Variants in TMEM163 observed in about 807,000 individuals in gnomAD.
The protein encoded by TMEM163 is transmembrane protein 163.
TMEM163 carries 17 observed loss-of-function variants against 29.3 expected under a neutral mutation model. The ratio of observed to expected loss-of-function variants is 0.58; its 90% confidence interval spans 0.40 to 0.87. The LOEUF (loss-of-function observed/expected upper bound fraction) is 0.87, where lower values mean the gene tolerates loss of function less well. Among genes scored for constraint, TMEM163 ranks in the 40% least tolerant of loss-of-function variants. The probability of loss-of-function intolerance (pLI) is 0.00; values close to 1 mark genes in which losing one functional copy is unlikely to be tolerated. For missense variants in TMEM163, 303 were observed against 381.5 expected, an observed-to-expected ratio of 0.79 and a Z score of 1.71; for synonymous variants, 157 against 160.6, an observed-to-expected ratio of 0.98 and a Z score of 0.17.
At chr2:134,498,475 C>T (rs1458805185) in intron 5 of TMEM163, among the ~76,000 whole-genome samples, 1 of 151,822 alleles carries the variant, frequency 6.6e-6, no homozygotes, top group Admixed American at 6.6e-5. Flanking sequence ...AGGCTACCAC[C>T]ACACCTGGCT....
rs78943729 is a variant in TMEM163 at position 134,581,834 on chromosome 2, A to C, written c.323-29743T>G. ...TTTACAAGAAGCAGCAGAACCAAAA[A>C]GGCAACTACCCTTCCATCTCCCTCC... On this transcript the variant is annotated intron_variant, in intron 2 of 7. Transcript: ENST00000281924. 8.5e-5 allele frequency among the ~76,000 whole-genome samples: 13 copies of C among 152,352 alleles called. No homozygotes were observed. The East Asian group carries it at 2.3e-3, about 27-fold the overall frequency.
chr2:134,479,704 G>A (rs1244515951), intron 5 of TMEM163, among the ~76,000 whole-genome samples: 4 of 152,200 alleles, frequency 2.6e-5, no homozygotes, highest in Admixed American at 6.5e-5. Flanking sequence ...ACTGAGGCAT[G>A]TTCAGGCTTG....
At chr2:134,491,553 A>G (rs1679430201) in intron 5 of TMEM163, among the ~76,000 whole-genome samples, 1 of 152,174 alleles carries the variant, frequency 6.6e-6, no homozygotes, top group East Asian at 1.9e-4. Flanking sequence ...CGTGGACCAG[A>G]AAGCACCCTC....
chr2:134,695,599 T>C (rs1684562059), intron 2 of TMEM163, among the ~76,000 whole-genome samples: 1 of 152,150 alleles, frequency 6.6e-6, no homozygotes, highest in African/African-American at 2.4e-5. Context: ...AGAAGAGCTA[T>C]TACCAAGATA....
intron 6 of TMEM163, among the ~76,000 whole-genome samples, chr2:134,462,649 C>T (rs1022850920): frequency 2.0e-5 from 3 of 152,218 alleles, no homozygotes; most frequent in Non-Finnish European, 4.4e-5. Flanking sequence ...GATTCATGTG[C>T]GCAAACCAGA....
intron 2 of TMEM163, among the ~76,000 whole-genome samples, chr2:134,589,247 G>A (rs889960141): frequency 6.6e-6 from 1 of 152,146 alleles, no homozygotes; most frequent in Non-Finnish European, 1.5e-5. Flanking sequence ...ATTGTTAAAG[G>A]CATTTGAACC....
chr2:134,511,153 C>T (rs376771046), intron 4 of TMEM163, among the ~76,000 whole-genome samples: 3 of 122,436 alleles, frequency 2.5e-5, no homozygotes, highest in Admixed American at 1.6e-4. Context: ...GAGAACAAGG[C>T]GGGGGGGGGT....
chr2:134,694,518 C>T (rs1684537951), intron 2 of TMEM163, among the ~76,000 whole-genome samples: 1 of 152,208 alleles, frequency 6.6e-6, no homozygotes, highest in Admixed American at 6.5e-5. Flanking sequence ...TAAATCACAT[C>T]TGTCCTTGCT....
chr2:134,472,431 A>G (rs1686826755), intron 5 of TMEM163, among the ~76,000 whole-genome samples: 1 of 152,242 alleles, frequency 6.6e-6, no homozygotes, highest in Admixed American at 6.5e-5. Context: ...AAACTATAGT[A>G]AGATCCTTTT....
chr2:134,556,654 T>C (rs1326213664), intron 2 of TMEM163, among the ~76,000 whole-genome samples: 1 of 152,044 alleles, frequency 6.6e-6, no homozygotes, highest in Non-Finnish European at 1.5e-5. Flanking sequence ...ACCTCATCTC[T>C]ACAAAAAAAT....
At chr2:134,644,591 C>T (rs1683294032) in intron 2 of TMEM163, among the ~76,000 whole-genome samples, 2 of 152,076 alleles carry the variant, frequency 1.3e-5, no homozygotes, top group African/African-American at 4.8e-5. Context: ...TTAGTTGCAA[C>T]CTATACCTCA....
At position 134,473,625 on chromosome 2, in the gene TMEM163, T is replaced by G. The variant is rs542459401; in HGVS notation, c.556-7400A>C. On this transcript the variant is annotated intron_variant, in intron 5 of 7. Transcript: ENST00000281924. ...ATAAAACCAAAGACCTTGATAAAGA[T>G]CAGTAATGTAGGATAAACCTCCAGG... Among the ~76,000 whole-genome samples, 19 of 150,744 alleles carry G rather than the reference T, an allele frequency of 1.3e-4. No individual in the cohort carries two copies. In the East Asian group the frequency reaches 3.7e-3, roughly 29 times the overall value.
At chr2:134,581,940 C>G (rs1256059478) in intron 2 of TMEM163, among the ~76,000 whole-genome samples, 2 of 152,232 alleles carry the variant, frequency 1.3e-5, no homozygotes, top group East Asian at 3.9e-4. Flanking sequence ...TTTGTCCTTC[C>G]TAACGGTGTC....
intron 5 of TMEM163, among the ~76,000 whole-genome samples, chr2:134,488,801 TAA>T (rs1679369474): frequency 6.6e-6 from 1 of 152,054 alleles, no homozygotes; most frequent in East Asian, 1.9e-4. Context: ...TAACAATAGA[TAA>T]ATGGGCAAAA....
intron 4 of TMEM163, among the ~76,000 whole-genome samples, chr2:134,508,659 G>A (rs968979881): frequency 6.6e-6 from 1 of 151,996 alleles, no homozygotes; most frequent in Admixed American, 6.6e-5. Flanking sequence ...CCCTCAATCC[G>A]TCACTATCAA....
intron 5 of TMEM163, among the ~76,000 whole-genome samples, chr2:134,498,530 C>T (rs190985231): frequency 5.3e-4 from 80 of 152,138 alleles, no homozygotes; most frequent in South Asian, 1.0e-3. Flanking sequence ...CGGGGTTTCA[C>T]CATGTTAGCC....
chr2:134,715,319 C>A (rs1324556351), intron 1 of TMEM163, among the ~76,000 whole-genome samples: 1 of 152,176 alleles, frequency 6.6e-6, no homozygotes, highest in African/African-American at 2.4e-5. Flanking sequence ...AACAGCACCC[C>A]CCTGGAGGAG....
chr2:134,546,421 T>G (rs1176588174), intron 4 of TMEM163, among the ~76,000 whole-genome samples: 6 of 152,144 alleles, frequency 3.9e-5, no homozygotes, highest in Non-Finnish European at 7.3e-5. Flanking sequence ...GGCAGGCAGA[T>G]CCCTGAGGCC....
At chr2:134,692,440 C>A (rs1684490125) in intron 2 of TMEM163, among the ~76,000 whole-genome samples, 1 of 152,176 alleles carries the variant, frequency 6.6e-6, no homozygotes, top group Non-Finnish European at 1.5e-5. Flanking sequence ...CAAATTCTGT[C>A]CTTTGCCGTT....
Sources: allele counts gnomAD v4.1 joint callset (sites outside exome capture counted in the v4.1 genomes callset), GRCh38; gene constraint gnomAD v4.1.1; transcripts MANE v1.5; gene names NCBI Gene and HGNC (gene_info 2026-07-23, HGNC 2026-07-21).